NRXN3: variants seen among roughly 807,000 people sequenced by gnomAD.
The protein encoded by NRXN3 is neurexin 3, also known as neurexin III.
Under a neutral mutation model 137.6 loss-of-function variants are expected in NRXN3, and 32 were observed. That is an observed-to-expected ratio of 0.23 (90% CI 0.18 to 0.31). NRXN3 has a LOEUF of 0.31. Ranked by LOEUF, NRXN3 falls within the 10% of genes least tolerant of loss-of-function variation. The probability of loss-of-function intolerance (pLI) is 1.00; values close to 1 mark genes in which losing one functional copy is unlikely to be tolerated. For missense variants in NRXN3, 1,574 were observed against 2,062.5 expected (o/e 0.76, Z 4.59); for synonymous variants, 798 against 784.5 (o/e 1.02, Z -0.29).
intron 15 of NRXN3, among the ~76,000 whole-genome samples, chr14:79,426,424 G>A (rs767995522): frequency 5.3e-5 from 8 of 152,200 alleles, no homozygotes; most frequent in Non-Finnish European, 1.0e-4. Context: ...ATCAGAGAAA[G>A]GCAAAAGGCA....
intron 15 of NRXN3, among the ~76,000 whole-genome samples, chr14:79,385,691 T>C (rs1839321123): frequency 6.6e-6 from 1 of 152,114 alleles, no homozygotes; most frequent in Admixed American, 6.6e-5. Context: ...TGTGTGGCCA[T>C]TTACCTATAT....
At chr14:78,403,866 T>G in intron 4 of NRXN3, 1 of 985,374 alleles carries the variant, frequency 1.0e-6, no homozygotes, top group Non-Finnish European at 1.2e-6. Flanking sequence ...TGAAATTAAC[T>G]CGAGCTTGGC....
Position 78,243,841 on chromosome 14 carries a change from G to A in NRXN3, c.709+39G>A, listed in dbSNP as rs532317959. ...CCTCTCTTGCTAGAGACCCACCCAC[G>A]GGATGGCTGAGGCTGGGGCTCCTGA... is the stretch of plus-strand genomic sequence containing the variant. On this transcript the variant is annotated intron_variant, in intron 2 of 20. Transcript: ENST00000335750. The surrounding 1 kb of genome is among the most constrained non-coding windows in gnomAD (Gnocchi z 4.2). 10 of 1,475,106 alleles carry A rather than the reference G, an allele frequency of 6.8e-6. No individual in the cohort carries two copies. The highest frequency in any genetic ancestry group is 4.2e-5 in the African/African-American group (3 of 71,542). 91.4% of individuals were successfully genotyped at this position (1,475,106 alleles called of 1,614,324 possible).
intron 4 of NRXN3, among the ~76,000 whole-genome samples, chr14:78,533,630 G>T (rs758343852): frequency 6.6e-6 from 1 of 152,128 alleles, no homozygotes; most frequent in Non-Finnish European, 1.5e-5. Flanking sequence ...TCATGTTTGC[G>T]GTTTGTGGGA....
At chr14:79,004,319 C>T (rs1361457295) in intron 15 of NRXN3, among the ~76,000 whole-genome samples, 4 of 152,020 alleles carry the variant, frequency 2.6e-5, no homozygotes, top group African/African-American at 4.8e-5. Flanking sequence ...GATCTCGGCT[C>T]ACTGCAAACT....
chr14:78,425,222 C>A (rs1015629402), intron 4 of NRXN3, among the ~76,000 whole-genome samples: 1 of 152,194 alleles, frequency 6.6e-6, no homozygotes, highest in East Asian at 1.9e-4. Flanking sequence ...TCTCTGTTTT[C>A]TCACTTGTAG....
intron 6 of NRXN3, among the ~76,000 whole-genome samples, chr14:78,651,841 C>T (rs10142294): frequency 0.034 from 5,138 of 152,238 alleles, 268 homozygotes; most frequent in African/African-American, 0.12. Flanking sequence ...CTCCCTCCCA[C>T]GACATGTGGG....
intron 6 of NRXN3, among the ~76,000 whole-genome samples, chr14:78,704,947 T>C (rs745533782): frequency 2.0e-5 from 3 of 152,194 alleles, no homozygotes; most frequent in Non-Finnish European, 4.4e-5. Flanking sequence ...AAGTATATTT[T>C]TTTCCTGAGA....
intron 15 of NRXN3, among the ~76,000 whole-genome samples, chr14:79,084,939 T>A (rs1201859444): frequency 1.3e-5 from 2 of 152,148 alleles, no homozygotes; most frequent in Non-Finnish European, 2.9e-5. Context: ...GGGGACCATC[T>A]GTTAATGTAA....
intron 15 of NRXN3, among the ~76,000 whole-genome samples, chr14:79,173,886 C>T (rs965740337): frequency 6.6e-6 from 1 of 152,060 alleles, no homozygotes; most frequent in Non-Finnish European, 1.5e-5. Flanking sequence ...TAAAAGAAAA[C>T]AGGAAGGTGA....
intron 1 of NRXN3, among the ~76,000 whole-genome samples, chr14:78,234,747 G>C (rs890077161): frequency 2.6e-5 from 4 of 151,934 alleles, no homozygotes; most frequent in African/African-American, 7.3e-5. Context: ...CAGGGCTTGA[G>C]CTATTTTTAT....
chr14:79,736,617 T>G (rs1001099621), intron 19 of NRXN3, among the ~76,000 whole-genome samples: 3 of 152,060 alleles, frequency 2.0e-5, no homozygotes, highest in African/African-American at 7.2e-5. Flanking sequence ...AAAGACAGTT[T>G]GAGAGAGAAA....
intron 15 of NRXN3, among the ~76,000 whole-genome samples, chr14:79,009,471 A>T (rs1408556311): frequency 6.6e-6 from 1 of 152,180 alleles, no homozygotes; most frequent in African/African-American, 2.4e-5. Context: ...ACTTCTATGC[A>T]TGATTAAATC....
chr14:79,140,013 A>T (rs1416477344), intron 15 of NRXN3, among the ~76,000 whole-genome samples: 1 of 151,404 alleles, frequency 6.6e-6, no homozygotes, highest in Non-Finnish European at 1.5e-5. Flanking sequence ...AAACACAGGA[A>T]ATGATATGAA....
At chr14:78,716,363 T>C (rs7150071) in intron 8 of NRXN3, among the ~76,000 whole-genome samples, 148,725 of 152,324 alleles carry the variant, frequency 0.98, 72,673 homozygotes, top group Non-Finnish European at 0.99. Context: ...TGCATCAGGA[T>C]CAAGTTTTTG....
rs923928866 is a variant in NRXN3, at chr14:79,185,895, G to C, written c.3262+197754G>C. On this transcript the variant is annotated intron_variant, in intron 15 of 20. Coordinates refer to ENST00000335750, the MANE Select transcript of NRXN3 (RefSeq NM_001330195.2). ...TTAAAAAATACTCATTTCCCCCCAA[G>C]ATTTTATAAAATAATTTCTGGCACT... Among the ~76,000 whole-genome samples, 7 of 152,070 alleles carry C rather than the reference G, an allele frequency of 4.6e-5. 1 individual carries two copies. The South Asian group carries it at 1.2e-3, about 27-fold the overall frequency.
At chr14:78,836,023 G>T (rs1294467993) in intron 10 of NRXN3, among the ~76,000 whole-genome samples, 1 of 152,074 alleles carries the variant, frequency 6.6e-6, no homozygotes, top group East Asian at 1.9e-4. Flanking sequence ...CACTGTGGGG[G>T]TGCCCTATAA....
chr14:78,970,843 C>T (rs2099435818), intron 14 of NRXN3, among the ~76,000 whole-genome samples: 2 of 152,170 alleles, frequency 1.3e-5, no homozygotes, highest in Admixed American at 6.6e-5. Flanking sequence ...GATGGCTCCA[C>T]CATCTGAATC....
chr14:78,560,771 A>G (rs551022040), intron 4 of NRXN3, among the ~76,000 whole-genome samples: 1 of 152,298 alleles, frequency 6.6e-6, no homozygotes, highest in East Asian at 1.9e-4. Flanking sequence ...AGATAACTTC[A>G]TAGAGGAAAT....
Sources: allele counts gnomAD v4.1 joint callset (sites outside exome capture counted in the v4.1 genomes callset), GRCh38; gene constraint gnomAD v4.1.1; non-coding constraint Gnocchi (gnomAD v3.1); transcripts MANE v1.5; gene names NCBI Gene and HGNC (gene_info 2026-07-23, HGNC 2026-07-21).